PTPRD: variants seen among roughly 807,000 people sequenced by gnomAD.
PTPRD encodes protein tyrosine phosphatase receptor type D, also known as receptor-type tyrosine-protein phosphatase delta.
Under a neutral mutation model 214.5 loss-of-function variants are expected in PTPRD, and 34 were observed. The observed-to-expected ratio is 0.16, with a 90% CI of 0.12 to 0.21. PTPRD has a LOEUF of 0.21. PTPRD is among the 10% of genes least tolerant of loss of function. PTPRD has a pLI of 1.00. For synonymous variants in PTPRD, 1,128 were observed against 845.7 expected (o/e 1.33, Z -5.79); for missense variants, 2,545 against 2,398.7 (o/e 1.06, Z -1.27).
At chr9:9,115,597 C>G (rs898484780) in intron 10 of PTPRD, among the ~76,000 whole-genome samples, 1 of 152,120 alleles carries the variant, frequency 6.6e-6, no homozygotes, top group Admixed American at 6.6e-5. Context: ...GAAAGAAGAT[C>G]TATCATTCAA....
chr9:10,264,062 T>C (rs1206121204), intron 3 of PTPRD, among the ~76,000 whole-genome samples: 1 of 152,164 alleles, frequency 6.6e-6, no homozygotes, highest in Non-Finnish European at 1.5e-5. Flanking sequence ...AATTGAGGTT[T>C]GGGAACTTCC....
intron 5 of PTPRD, among the ~76,000 whole-genome samples, chr9:9,825,196 T>C (rs2052312207): frequency 6.6e-6 from 1 of 152,000 alleles, no homozygotes. Flanking sequence ...AGAGTTCATA[T>C]AGGAAAGACA....
In PTPRD at chr9:8,777,637, A is replaced by G. The variant is rs144769965; in HGVS notation, c.-103-43691T>C. Among the ~76,000 whole-genome samples, 786 of 152,274 alleles carry G rather than the reference A, an allele frequency of 5.2e-3. 4 individuals are homozygous for G. Among genetic ancestry groups the G allele is most frequent in the Non-Finnish European group, 9.8e-3 (664 of 68,016 alleles). Reference sequence around the variant, plus strand: ...ATTAATTTTTGTAAGTCAGTCCAACACTTAGCAATCTTAAATAAATGACAC... The same window carrying G: ...ATTAATTTTTGTAAGTCAGTCCAACGCTTAGCAATCTTAAATAAATGACAC... On this transcript the variant is annotated intron_variant, in intron 11 of 45. Coordinates refer to ENST00000381196, the MANE Select transcript of PTPRD (RefSeq NM_002839.4).
intron 8 of PTPRD, among the ~76,000 whole-genome samples, chr9:9,466,703 A>G (rs79635002): frequency 0.034 from 5,188 of 152,222 alleles, 122 homozygotes; most frequent in Non-Finnish European, 0.049. Flanking sequence ...AATATTTAAA[A>G]TATATTTTTT....
chr9:9,132,527 T>C (rs1403510804), intron 10 of PTPRD, among the ~76,000 whole-genome samples: 1 of 152,084 alleles, frequency 6.6e-6, no homozygotes, highest in African/African-American at 2.4e-5. Flanking sequence ...TTTTAGACAA[T>C]GGAGCTGGAA....
chr9:9,278,300 T>C (rs982338120), intron 9 of PTPRD, among the ~76,000 whole-genome samples: 4 of 151,312 alleles, frequency 2.6e-5, no homozygotes, highest in African/African-American at 4.8e-5. Flanking sequence ...ATTATTATTA[T>C]GGCTGTCAAA....
At chr9:9,510,330 A>G (rs1569568906) in intron 8 of PTPRD, among the ~76,000 whole-genome samples, 1 of 151,692 alleles carries the variant, frequency 6.6e-6, no homozygotes, top group Non-Finnish European at 1.5e-5. Flanking sequence ...AACTTTTAAA[A>G]ACAGGATGTC....
At chr9:10,000,323 C>T (rs2096276009) in intron 4 of PTPRD, among the ~76,000 whole-genome samples, 2 of 152,090 alleles carry the variant, frequency 1.3e-5, no homozygotes, top group African/African-American at 2.4e-5. Flanking sequence ...TTTTAATACT[C>T]ATAATCCAAC....
chr9:9,340,388 T>A (rs1174171488), intron 9 of PTPRD, among the ~76,000 whole-genome samples: 3 of 152,218 alleles, frequency 2.0e-5, no homozygotes, highest in Non-Finnish European at 4.4e-5. Context: ...ATTTTGTGAC[T>A]ATTTAAATCT....
At chr9:9,218,298 C>A (rs1268234058) in intron 9 of PTPRD, among the ~76,000 whole-genome samples, 1 of 152,076 alleles carries the variant, frequency 6.6e-6, no homozygotes, top group Non-Finnish European at 1.5e-5. Context: ...ATTAGATAGG[C>A]CTTGAATGTT....
chr9:9,441,131 G>C (rs765118464), intron 8 of PTPRD, among the ~76,000 whole-genome samples: 1 of 150,754 alleles, frequency 6.6e-6, no homozygotes, highest in Non-Finnish European at 1.5e-5. Flanking sequence ...CCTTGAATGA[G>C]GTGTCTCTCT....
intron 6 of PTPRD, among the ~76,000 whole-genome samples, chr9:9,753,870 T>C (rs895587421): frequency 6.6e-6 from 1 of 152,074 alleles, no homozygotes; most frequent in African/African-American, 2.4e-5. Context: ...ATTGAATCCA[T>C]GCAAATTCTT....
intron 31 of PTPRD, among the ~76,000 whole-genome samples, chr9:8,466,376 T>C (rs1354860798): frequency 1.3e-5 from 2 of 151,948 alleles, no homozygotes; most frequent in African/African-American, 4.8e-5. Flanking sequence ...ATAGGCAAGG[T>C]AGATGAAAAT....
intron 12 of PTPRD, among the ~76,000 whole-genome samples, chr9:8,711,039 T>C (rs940338933): frequency 1.3e-5 from 2 of 152,172 alleles, no homozygotes; most frequent in African/African-American, 4.8e-5. Flanking sequence ...CTTACTTTAT[T>C]TTAATGTCAG....
chr9:8,458,450 C>T (rs1319253013), intron 33 of PTPRD, among the ~76,000 whole-genome samples: 2 of 152,002 alleles, frequency 1.3e-5, no homozygotes, highest in Non-Finnish European at 2.9e-5. Flanking sequence ...TTCAAATAAT[C>T]ACAAAATGTC....
rs80283645 is a variant in PTPRD at position 8,864,318 on chromosome 9, T to C, written c.-103-130372A>G. ...ATTTCATTTGCACAAGCCTGACTCTTATCTCTCAAGACTCGGACATGCTTC... is the reference window on the plus strand; with the variant it reads ...ATTTCATTTGCACAAGCCTGACTCTCATCTCTCAAGACTCGGACATGCTTC... On this transcript the variant is annotated intron_variant, in intron 11 of 45. Coordinates refer to ENST00000381196, the MANE Select transcript of PTPRD (RefSeq NM_002839.4). Among the ~76,000 whole-genome samples the C allele has an allele frequency of 3.9e-3, 596 of 152,318 alleles. 4 individuals are homozygous for C. The highest frequency in any genetic ancestry group is 0.014 in the African/African-American group (567 of 41,576).
intron 12 of PTPRD, among the ~76,000 whole-genome samples, chr9:8,644,679 G>C (rs953119603): frequency 1.4e-4 from 21 of 152,174 alleles, no homozygotes; most frequent in Non-Finnish European, 2.9e-4. Flanking sequence ...AGCTGCTGTG[G>C]TGCTCCTGGT....
chr9:9,836,891 A>G (rs1277828226), intron 5 of PTPRD, among the ~76,000 whole-genome samples: 2 of 152,218 alleles, frequency 1.3e-5, no homozygotes, highest in African/African-American at 4.8e-5. Flanking sequence ...AGAGGTAGAT[A>G]AATTAATAGA....
chr9:10,035,811 A>G lies in PTPRD; in HGVS notation c.-544-2021T>C, dbSNP rs79184360. Among the ~76,000 whole-genome samples, 552 of 146,960 alleles carry G rather than the reference A, an allele frequency of 3.8e-3. 1 individual carries two copies. The highest frequency in any genetic ancestry group is 0.013 in the African/African-American group (501 of 39,334). ...TAGTGGTTTCCTGCTCAATAATAAA[A>G]GTTTACTTCATTAAAAAAAAAAATA... On this transcript the variant is annotated intron_variant, in intron 3 of 45. Transcript: ENST00000381196.
Sources: gnomAD v4.1 joint callset for allele counts (sites outside exome capture counted in the v4.1 genomes callset) on GRCh38, gnomAD v4.1.1 for gene constraint, MANE v1.5 for transcripts, NCBI Gene and HGNC (gene_info 2026-07-23, HGNC 2026-07-21) for gene names.